The following KLRG2 variants were observed in gnomAD, a reference collection of about 807,000 sequenced individuals.
The protein encoded by KLRG2 is killer cell lectin-like receptor subfamily G member 2.
Under a neutral mutation model 35.4 loss-of-function variants are expected in KLRG2, and 39 were observed. The observed-to-expected ratio is 1.10, with a 90% CI of 0.85 to 1.44. KLRG2 has a LOEUF of 1.44. Among genes scored for constraint, KLRG2 ranks in the 40% most tolerant of loss-of-function variants. KLRG2 has a pLI of 0.00. For synonymous variants in KLRG2, 283 were observed against 265.8 expected, an observed-to-expected ratio of 1.06 and a Z score of -0.63; for missense variants, 632 against 570.9, an observed-to-expected ratio of 1.11 and a Z score of -1.09.
At chr7:139,443,917 A>G in the KLRG2 span, among the ~76,000 whole-genome samples, 1 of 152,142 alleles carries the variant, frequency 6.6e-6, no homozygotes, top group Non-Finnish European at 1.5e-5. Context: ...AGCTCAGTCC[A>G]AGTCCCAAAA....
At position 139,453,813 on chromosome 7, in the gene KLRG2, G is replaced by A. The variant is rs543779407; in HGVS notation, c.1110-106C>T. On this transcript the variant is annotated intron_variant, in intron 4 of 4. Coordinates refer to ENST00000340940, the MANE Select transcript of KLRG2 (RefSeq NM_198508.4). ...GTGCCTGTCACCTCTACCGGCCTGG[G>A]CACTGAGTGAGTCACTGCACTGGTC... is the stretch of plus-strand genomic sequence containing the variant. 6 of 1,342,196 alleles carry A rather than the reference G, an allele frequency of 4.5e-6. No individual in the cohort carries two copies. The African/African-American group carries it at 8.7e-5, about 20-fold the overall frequency. 83.1% of individuals were successfully genotyped at this position (1,342,196 alleles called of 1,614,324 possible).
At chr7:139,473,010 G>A (rs1255805797) in intron 3 of KLRG2, among the ~76,000 whole-genome samples, 1 of 152,204 alleles carries the variant, frequency 6.6e-6, no homozygotes, top group African/African-American at 2.4e-5. Flanking sequence ...AAGGGGATGC[G>A]GTGGCTCGCG....
chr7:139,454,571 A>C (rs1253618160), intron 3 of KLRG2, among the ~76,000 whole-genome samples: 2 of 151,696 alleles, frequency 1.3e-5, no homozygotes, highest in African/African-American at 4.8e-5. Flanking sequence ...ATCCCAGCAC[A>C]TTGGGAGGCC....
the KLRG2 span, among the ~76,000 whole-genome samples, chr7:139,433,311 GTT>G: frequency 0.24 from 34,929 of 148,584 alleles, 4,220 homozygotes; most frequent in Middle Eastern, 0.35. Flanking sequence ...GTGGTGTGTG[GTT>G]TTTTTTTTGT....
At chr7:139,479,339 C>T (rs542354891) in intron 3 of KLRG2, among the ~76,000 whole-genome samples, 97 of 152,248 alleles carry the variant, frequency 6.4e-4, no homozygotes, top group Non-Finnish European at 1.1e-3. Flanking sequence ...CCTTGGCCTC[C>T]CAGAGTGCTG....
At chr7:139,442,033 C>T in the KLRG2 span, among the ~76,000 whole-genome samples, 2 of 152,244 alleles carry the variant, frequency 1.3e-5, no homozygotes, top group East Asian at 3.9e-4. Context: ...GCCAACTGCC[C>T]TGAATGTTAA....
At chr7:139,442,227 T>TTTGAAGC in the KLRG2 span, among the ~76,000 whole-genome samples, 7 of 152,066 alleles carry the variant, frequency 4.6e-5, no homozygotes, top group African/African-American at 1.7e-4. Flanking sequence ...ACAAGCCTTG[T>TTTGAAGC]TTGAAGGAAG....
chr7:139,480,699 C>T (rs1300659158), intron 1 of KLRG2, among the ~76,000 whole-genome samples: 4 of 150,608 alleles, frequency 2.7e-5, no homozygotes, highest in Non-Finnish European at 4.4e-5. Context: ...CCCACCTCGG[C>T]CTCCCAAAGT....
the KLRG2 span, among the ~76,000 whole-genome samples, chr7:139,443,284 C>G: frequency 6.6e-6 from 1 of 151,700 alleles, no homozygotes; most frequent in African/African-American, 2.4e-5. Context: ...CAGGGTTTCA[C>G]CATGTCCGCC....
chr7:139,459,707 A>T (rs1796536967), intron 3 of KLRG2, among the ~76,000 whole-genome samples: 2 of 152,172 alleles, frequency 1.3e-5, no homozygotes, highest in Admixed American at 6.5e-5. Flanking sequence ...AATAAATGTT[A>T]TTCCTGGTTA....
chr7:139,436,409 T>C, the KLRG2 span, among the ~76,000 whole-genome samples: 1 of 152,094 alleles, frequency 6.6e-6, no homozygotes, highest in South Asian at 2.1e-4. Context: ...CTGGTAACAG[T>C]GACAGCTTAG....
downstream of KLRG2, among the ~76,000 whole-genome samples, chr7:139,452,264 C>T (rs1796387792): frequency 6.6e-6 from 1 of 152,098 alleles, no homozygotes; most frequent in South Asian, 2.1e-4. Context: ...GCATGAGCCA[C>T]CGTGCCCGGC....
chr7:139,482,563 T>C (rs980578069), intron 1 of KLRG2, among the ~76,000 whole-genome samples: 1 of 152,084 alleles, frequency 6.6e-6, no homozygotes, highest in African/African-American at 2.4e-5. Flanking sequence ...AGGCTAATTT[T>C]TGTATTTTTA....
At chr7:139,427,997 T>A in the KLRG2 span, among the ~76,000 whole-genome samples, 1 of 152,194 alleles carries the variant, frequency 6.6e-6, no homozygotes, top group Non-Finnish European at 1.5e-5. Flanking sequence ...CCTTTTTGAT[T>A]CTAAGTGAAA....
In KLRG2 at chr7:139,483,371, G is replaced by C; in HGVS notation, c.272C>G (p.Pro91Arg). ...GGCAGGGCCCGGTGACGGCGGCTCGGGGCAGACCCCGTAGCCCAGGCTGAG... is the reference window on the plus strand; with the variant it reads ...GGCAGGGCCCGGTGACGGCGGCTCGCGGCAGACCCCGTAGCCCAGGCTGAG... ...PPLSLGYGVCPEPPSPGPALV... is the reference protein window; with the variant it reads ...PPLSLGYGVCREPPSPGPALV... The change falls in exon 1 of 5, where the codon CCC becomes CGC. Residue 91 changes from proline (P) to arginine (R), a missense_variant. Coordinates refer to ENST00000340940, the MANE Select transcript of KLRG2 (RefSeq NM_198508.4). 6.5e-7 allele frequency: 1 copy of C among 1,541,954 alleles called. No homozygotes were observed. The highest frequency in any genetic ancestry group is 8.7e-7 in the Non-Finnish European group (1 of 1,155,120).
chr7:139,464,587 A>G (rs1025748244), intron 3 of KLRG2, among the ~76,000 whole-genome samples: 1 of 152,130 alleles, frequency 6.6e-6, no homozygotes, highest in Non-Finnish European at 1.5e-5. Context: ...ATTCCTTAAA[A>G]AACAGCTCTA....
At chr7:139,442,882 TGAAAA>T in the KLRG2 span, among the ~76,000 whole-genome samples, 1 of 151,540 alleles carries the variant, frequency 6.6e-6, no homozygotes, top group East Asian at 1.9e-4. Context: ...GCAGCACAAT[TGAAAA>T]GAAGTAATCC....
chr7:139,441,708 G>A, the KLRG2 span, among the ~76,000 whole-genome samples: 3 of 152,106 alleles, frequency 2.0e-5, no homozygotes, highest in Non-Finnish European at 4.4e-5. Context: ...GGGAGGTAGA[G>A]ATTGGATTGA....
chr7:139,454,746 A>G (rs983538367), intron 3 of KLRG2, among the ~76,000 whole-genome samples: 5 of 151,374 alleles, frequency 3.3e-5, no homozygotes, highest in African/African-American at 7.3e-5. Flanking sequence ...AGCCCAGGAG[A>G]CAGAGGTTGC....
Sources: gnomAD v4.1 joint callset for allele counts (sites outside exome capture counted in the v4.1 genomes callset) on GRCh38, gnomAD v4.1.1 for gene constraint, MANE v1.5 for transcripts, NCBI Gene and HGNC (gene_info 2026-07-23, HGNC 2026-07-21) for gene names.